The following FNBP1L variants were observed in gnomAD, a reference collection of about 807,000 sequenced individuals.
FNBP1L encodes formin binding protein 1 like, also known as formin-binding protein 1-like.
FNBP1L carries 36 observed loss-of-function variants against 91.2 expected under a neutral mutation model. The observed-to-expected ratio is 0.39, with a 90% CI of 0.30 to 0.52. FNBP1L has a LOEUF of 0.52. FNBP1L is among the 20% of genes least tolerant of loss of function. FNBP1L has a pLI of 0.66. For synonymous variants in FNBP1L, 242 were observed against 237.0 expected (o/e 1.02, Z -0.19); for missense variants, 571 against 732.1 (o/e 0.78, Z 2.54).
chr1:93,460,541 C>T (rs1212145938), intron 1 of FNBP1L, among the ~76,000 whole-genome samples: 1 of 152,166 alleles, frequency 6.6e-6, no homozygotes, highest in Non-Finnish European at 1.5e-5. Flanking sequence ...CTACTCAGTT[C>T]TTAAAAAGAA....
intron 2 of FNBP1L, among the ~76,000 whole-genome samples, chr1:93,509,010 A>T: frequency 6.6e-6 from 1 of 152,230 alleles, no homozygotes; most frequent in Non-Finnish European, 1.5e-5. Context: ...GAATTACAAC[A>T]GAAATTTTAG....
At chr1:93,540,392 C>T (rs577533166) in intron 10 of FNBP1L, among the ~76,000 whole-genome samples, 17 of 152,074 alleles carry the variant, frequency 1.1e-4, no homozygotes, top group African/African-American at 4.1e-4. Flanking sequence ...ATTTTTAAAG[C>T]AAAATTCAAC....
At chr1:93,551,285 CA>C in intron 16 of FNBP1L, 180 bp downstream of exon 16, 1 of 1,264,658 alleles carries the variant, frequency 7.9e-7, no homozygotes. Context: ...AATATTACCA[CA>C]AGAAACATTT....
chr1:93,469,811 A>G (rs1372448336), intron 1 of FNBP1L, among the ~76,000 whole-genome samples: 2 of 152,032 alleles, frequency 1.3e-5, no homozygotes, highest in African/African-American at 2.4e-5. Flanking sequence ...TCTCTAAGAA[A>G]ATAAAAATAA....
intron 2 of FNBP1L, among the ~76,000 whole-genome samples, chr1:93,510,626 G>T (rs1670799695): frequency 1.3e-5 from 2 of 152,140 alleles, no homozygotes; most frequent in Non-Finnish European, 2.9e-5. Context: ...TTGATGAGCT[G>T]AGAGAAGGCT....
intron 3 of FNBP1L, 84 bp from the exon 4 acceptor site, chr1:93,523,260 G>T: frequency 1.5e-6 from 2 of 1,358,800 alleles, no homozygotes; most frequent in Non-Finnish European, 1.9e-6. Context: ...TAAAATTTGC[G>T]AAATGTTAGA....
At chr1:93,536,772 T>C (rs1671865633) in intron 10 of FNBP1L, among the ~76,000 whole-genome samples, 1 of 150,638 alleles carries the variant, frequency 6.6e-6, no homozygotes, top group African/African-American at 2.5e-5. Flanking sequence ...TGTCTTGTAA[T>C]GTATTTACAT....
At chr1:93,519,502 T>C (rs1671246362) in intron 2 of FNBP1L, among the ~76,000 whole-genome samples, 1 of 152,194 alleles carries the variant, frequency 6.6e-6, no homozygotes. Flanking sequence ...GTTCTTACCA[T>C]ATTATGTTAT....
At chr1:93,529,385 C>T (rs1671598827) in intron 5 of FNBP1L, among the ~76,000 whole-genome samples, 1 of 152,010 alleles carries the variant, frequency 6.6e-6, no homozygotes, top group African/African-American at 2.4e-5. Context: ...ACTTAGTGCG[C>T]AGTTCATTTC....
intron 1 of FNBP1L, among the ~76,000 whole-genome samples, chr1:93,467,566 A>T (rs559593648): frequency 1.3e-5 from 2 of 152,302 alleles, no homozygotes; most frequent in Admixed American, 6.5e-5. Context: ...GTTGGTGGTG[A>T]TGGTTGTACA....
intron 1 of FNBP1L, among the ~76,000 whole-genome samples, chr1:93,492,492 G>A (rs1164569532): frequency 6.6e-6 from 1 of 152,154 alleles, no homozygotes; most frequent in Non-Finnish European, 1.5e-5. Context: ...TACTTTACTA[G>A]TATTTAAAAT....
intron 1 of FNBP1L, among the ~76,000 whole-genome samples, chr1:93,474,545 G>C (rs963535503): frequency 6.6e-6 from 1 of 152,198 alleles, no homozygotes; most frequent in African/African-American, 2.4e-5. Flanking sequence ...AGCCTGAGAA[G>C]GCTTCTCTGT....
At chr1:93,539,589 G>A (rs890764232) in intron 10 of FNBP1L, among the ~76,000 whole-genome samples, 44 of 151,746 alleles carry the variant, frequency 2.9e-4, no homozygotes, top group Non-Finnish European at 6.0e-4. Context: ...TAGATAATTT[G>A]CATCACTTAG....
At chr1:93,473,154 A>T (rs550122731) in intron 1 of FNBP1L, among the ~76,000 whole-genome samples, 1 of 151,918 alleles carries the variant, frequency 6.6e-6, no homozygotes, top group Non-Finnish European at 1.5e-5. Context: ...TAATTATTGT[A>T]TCTTGCTCTG....
rs1672027315 is a variant in FNBP1L at position 93,541,028 on chromosome 1, A to G, written c.1150-14A>G. The G allele has an allele frequency of 3.9e-6, 6 of 1,536,036 alleles. No homozygotes were observed. The highest frequency in any genetic ancestry group is 2.0e-5 in the Admixed American group (1 of 50,976). On this transcript the variant is annotated splice_polypyrimidine_tract_variant and intron_variant, in intron 10 of 16. Coordinates refer to ENST00000271234, the MANE Select transcript of FNBP1L (RefSeq NM_001164473.3). ...AATTTACCATTTCTTTCTGTTTTCC[A>G]TTGAACTATTCAGTGGTCGGTGAAG...
intron 1 of FNBP1L, among the ~76,000 whole-genome samples, chr1:93,459,386 AAAC>A (rs201276272): frequency 0.019 from 2,845 of 152,316 alleles, 36 homozygotes; most frequent in Non-Finnish European, 0.024. Context: ...TCTAGCAAGA[AAAC>A]AACTTGATTA....
intron 1 of FNBP1L, among the ~76,000 whole-genome samples, chr1:93,488,811 C>G (rs1357358915): frequency 6.6e-6 from 1 of 152,126 alleles, no homozygotes; most frequent in Non-Finnish European, 1.5e-5. Flanking sequence ...GACAGTTTAT[C>G]CGAAGTAATA....
chr1:93,511,067 A>G (rs1032119550), intron 2 of FNBP1L, among the ~76,000 whole-genome samples: 2 of 152,216 alleles, frequency 1.3e-5, no homozygotes, highest in African/African-American at 4.8e-5. Context: ...CCAATCTAGC[A>G]AGGCAGGCCA....
rs565392074 is a variant in FNBP1L at position 93,451,901 on chromosome 1, C to T, written c.24+3596C>T. On this transcript the variant is annotated intron_variant, in intron 1 of 16. Coordinates refer to ENST00000271234, the MANE Select transcript of FNBP1L (RefSeq NM_001164473.3). ...TCCTGACATTGTGATCCGCCCGCCT[C>T]GGCCTCTCAAAGTGCTGGGTTTACA... is the stretch of plus-strand genomic sequence containing the variant. Among the ~76,000 whole-genome samples, 10 of 152,286 alleles carry T rather than the reference C, an allele frequency of 6.6e-5. No homozygotes were observed. The East Asian group carries it at 1.7e-3, about 26-fold the overall frequency.
Sources: allele counts gnomAD v4.1 joint callset (sites outside exome capture counted in the v4.1 genomes callset), GRCh38; gene constraint gnomAD v4.1.1; transcripts MANE v1.5; gene names NCBI Gene and HGNC (gene_info 2026-07-23, HGNC 2026-07-21).